The following GAD2 variants were observed in gnomAD, a reference collection of about 807,000 sequenced individuals.
GAD2 encodes the protein glutamate decarboxylase 2.
In GAD2, 22 loss-of-function variants were observed where a neutral mutation model predicts 80.1. The observed-to-expected ratio is 0.27, with a 90% CI of 0.20 to 0.39. The LOEUF (loss-of-function observed/expected upper bound fraction) is 0.39. Ranked by LOEUF, GAD2 falls within the 10% of genes least tolerant of loss-of-function variation. GAD2 has a pLI of 1.00. For missense variants in GAD2, 624 were observed against 738.4 expected (o/e 0.85, Z 1.80); for synonymous variants, 274 against 256.9 (o/e 1.07, Z -0.64).
intron 7 of GAD2, among the ~76,000 whole-genome samples, chr10:26,235,373 C>T (rs919431731): frequency 2.6e-5 from 4 of 152,188 alleles, no homozygotes; most frequent in African/African-American, 9.7e-5. Context: ...ATTTTGTTTT[C>T]TAAATGACCC....
intron 8 of GAD2, among the ~76,000 whole-genome samples, chr10:26,246,778 A>G (rs989220398): frequency 1.3e-5 from 2 of 152,228 alleles, no homozygotes. Context: ...GGGAAGAGGC[A>G]GTGTCGTCAG....
chr10:26,261,819 A>G (rs1049624243), intron 8 of GAD2, among the ~76,000 whole-genome samples: 1 of 151,548 alleles, frequency 6.6e-6, no homozygotes, highest in African/African-American at 2.4e-5. Flanking sequence ...TCTGGAATGG[A>G]TGTTGTCTTT....
At position 26,237,018 on chromosome 10, in the gene GAD2, G is replaced by T. The variant is rs1337838561; in HGVS notation, c.840+7241G>T. Among the ~76,000 whole-genome samples, 79 of 152,230 alleles carry T rather than the reference G, an allele frequency of 5.2e-4. 1 individual carries two copies. The highest frequency in any genetic ancestry group is 5.0e-3 in the Admixed American group (76 of 15,286). On this transcript the variant is annotated intron_variant, in intron 7 of 15. Transcript: ENST00000376261. ...ACTCAGAGAGGCAAAGCTGTGAGGT[G>T]CTGAGACACAACTCAGCCACTGTGC...
At chr10:26,248,198 G>C (rs1009490553) in intron 8 of GAD2, among the ~76,000 whole-genome samples, 2 of 152,212 alleles carry the variant, frequency 1.3e-5, no homozygotes, top group Non-Finnish European at 2.9e-5. Context: ...ATACATGGTG[G>C]TTACACATCA....
chr10:26,273,354 T>G (rs1845159558), intron 10 of GAD2, among the ~76,000 whole-genome samples: 2 of 152,244 alleles, frequency 1.3e-5, no homozygotes, highest in Non-Finnish European at 2.9e-5. Flanking sequence ...TCATGAGGAC[T>G]AATGGTGCTG....
intron 11 of GAD2, among the ~76,000 whole-genome samples, chr10:26,276,871 C>T (rs1008584166): frequency 6.6e-5 from 10 of 152,280 alleles, no homozygotes; most frequent in Non-Finnish European, 1.0e-4. Context: ...GGATTTAATT[C>T]GATCATTGCT....
chr10:26,277,478 C>T (rs964437675), intron 11 of GAD2, among the ~76,000 whole-genome samples: 5 of 152,150 alleles, frequency 3.3e-5, no homozygotes, highest in African/African-American at 4.8e-5. Flanking sequence ...CTGCAGGAGC[C>T]GTAGTGGGCT....
At chr10:26,294,959 T>G (rs115290263) in intron 15 of GAD2, among the ~76,000 whole-genome samples, 1,537 of 152,344 alleles carry the variant, frequency 0.01, 20 homozygotes, top group African/African-American at 0.034. Flanking sequence ...TGGCTTTCAC[T>G]TCCTTATTGA....
At chr10:26,284,820 C>T (rs4749109) in intron 12 of GAD2, among the ~76,000 whole-genome samples, 31,004 of 152,030 alleles carry the variant, frequency 0.2, 3,315 homozygotes, top group East Asian at 0.31. Context: ...CCACCCGCCT[C>T]GGCCTCCCAA....
At chr10:26,216,447 T>C (rs1161817870), upstream of GAD2, 2 of 174,930 alleles carry the variant, frequency 1.1e-5, no homozygotes, top group Admixed American at 6.4e-5. The surrounding 1 kb of genome is among the most constrained non-coding windows in gnomAD (Gnocchi z 4.7). Context: ...CGTGTTTTTT[T>C]CCTCCGCCGC....
chr10:26,242,595 T>C (rs1320233362), intron 7 of GAD2, among the ~76,000 whole-genome samples: 2 of 152,220 alleles, frequency 1.3e-5, no homozygotes, highest in East Asian at 3.8e-4. Context: ...CGTTAAGCTA[T>C]TTCTCTGCTC....
chr10:26,258,875 A>G (rs1393947401), intron 8 of GAD2, among the ~76,000 whole-genome samples: 1 of 150,990 alleles, frequency 6.6e-6, no homozygotes, highest in Non-Finnish European at 1.5e-5. Flanking sequence ...GTGCAATGGC[A>G]CAATCTTGGC....
intron 7 of GAD2, among the ~76,000 whole-genome samples, chr10:26,238,009 C>T (rs1589140500): frequency 1.1e-5 from 1 of 90,452 alleles, no homozygotes; most frequent in Non-Finnish European, 2.3e-5. Context: ...CACACAGACA[C>T]ACACACACAC....
intron 7 of GAD2, among the ~76,000 whole-genome samples, chr10:26,234,894 A>C (rs532443784): frequency 2.0e-5 from 3 of 151,424 alleles, no homozygotes; most frequent in Non-Finnish European, 4.4e-5. Context: ...TTTTTTTGAG[A>C]TGGAATCTCT....
At position 26,236,851 on chromosome 10, in the gene GAD2, A is replaced by G. The variant is rs116805285; in HGVS notation, c.840+7074A>G. On this transcript the variant is annotated intron_variant, in intron 7 of 15. Transcript: ENST00000376261. Reference sequence around the variant, plus strand: ...TGCATTCCTACCTCCTTCTCACCTCAGGGCCCTCATCGCTCCCATGTTATT... The same window carrying G: ...TGCATTCCTACCTCCTTCTCACCTCGGGGCCCTCATCGCTCCCATGTTATT... Among the ~76,000 whole-genome samples the G allele has an allele frequency of 3.8e-3, 584 of 152,206 alleles. 5 individuals are homozygous for G. The highest frequency in any genetic ancestry group is 0.013 in the African/African-American group (551 of 41,524).
intron 11 of GAD2, among the ~76,000 whole-genome samples, chr10:26,277,526 G>A (rs940223548): frequency 2.6e-5 from 4 of 152,170 alleles, no homozygotes; most frequent in Non-Finnish European, 4.4e-5. Context: ...CTGTGTTCTG[G>A]CATTAACTCT....
At chr10:26,285,461 C>T (rs574916247) in intron 12 of GAD2, among the ~76,000 whole-genome samples, 1 of 152,340 alleles carries the variant, frequency 6.6e-6, no homozygotes, top group Admixed American at 6.5e-5. Flanking sequence ...TAGTCAAAGG[C>T]TTCCAGTGTT....
intron 8 of GAD2, among the ~76,000 whole-genome samples, chr10:26,252,242 A>G (rs1226834415): frequency 6.6e-6 from 1 of 152,204 alleles, no homozygotes; most frequent in South Asian, 2.1e-4. Context: ...TTGAAGGTTC[A>G]CAACTGAGAA....
At chr10:26,218,947 C>T in intron 3 of GAD2, 96 bp from the exon 4 acceptor site, 7 of 888,856 alleles carry the variant, frequency 7.9e-6, no homozygotes, top group African/African-American at 1.7e-5. Flanking sequence ...AACATGAAAT[C>T]TCTCAATTCA....
Sources: allele counts gnomAD v4.1 joint callset (sites outside exome capture counted in the v4.1 genomes callset), GRCh38; gene constraint gnomAD v4.1.1; non-coding constraint Gnocchi (gnomAD v3.1); transcripts MANE v1.5; gene names NCBI Gene and HGNC (gene_info 2026-07-23, HGNC 2026-07-21).